Variants in IL6 observed in about 807,000 individuals in gnomAD.
The protein encoded by IL6 is interleukin 6.
Under a neutral mutation model 18.0 loss-of-function variants are expected in IL6, and 5 were observed. The ratio of observed to expected loss-of-function variants is 0.28; its 90% confidence interval spans 0.15 to 0.58. IL6 has a LOEUF of 0.58. Ranked by LOEUF, IL6 falls within the 20% of genes least tolerant of loss-of-function variation. The pLI is 0.90. For synonymous variants in IL6, 97 were observed against 95.1 expected, an observed-to-expected ratio of 1.02 and a Z score of -0.12; for missense variants, 266 against 251.0, an observed-to-expected ratio of 1.06 and a Z score of -0.40.
At chr7:22,728,985 G>A (rs1784070624) in intron 3 of IL6, among the ~76,000 whole-genome samples, 179 bp downstream of exon 3, 1 of 152,194 alleles carries the variant, frequency 6.6e-6, no homozygotes, top group African/African-American at 2.4e-5. Flanking sequence ...TTTATTCTTG[G>A]ACAGGTATGG....
chr7:22,730,846 C>A (rs1403634070), intron 4 of IL6, among the ~76,000 whole-genome samples: 1 of 152,096 alleles, frequency 6.6e-6, no homozygotes, highest in Admixed American at 6.5e-5. Flanking sequence ...GACCCCATCT[C>A]TACAAAAAAC....
At chr7:22,730,659 A>G (rs1784109036) in intron 4 of IL6, among the ~76,000 whole-genome samples, 1 of 152,196 alleles carries the variant, frequency 6.6e-6, no homozygotes, top group African/African-American at 2.4e-5. Context: ...TTCATATACT[A>G]AATATGAACT....
intron 4 of IL6, among the ~76,000 whole-genome samples, 157 bp from the exon 5 acceptor site, chr7:22,731,249 T>C (rs1200753936): frequency 6.6e-6 from 1 of 151,788 alleles, no homozygotes; most frequent in Non-Finnish European, 1.5e-5. Flanking sequence ...AAGAAGTTTG[T>C]TGCTATGGAA....
Position 22,727,214 on chromosome 7 carries a change from C to A in IL6, c.-49C>A. The A allele has an allele frequency of 6.2e-7, 1 of 1,610,282 alleles. No homozygotes were observed. Among genetic ancestry groups the A allele is most frequent in the Non-Finnish European group, 8.5e-7 (1 of 1,178,310 alleles). On this transcript the variant is annotated 5_prime_UTR_variant, in exon 1 of 5. Coordinates refer to ENST00000258743, the MANE Select transcript of IL6 (RefSeq NM_000600.5). ...GTCTGAGGCTCATTCTGCCCTCGAG[C>A]CCACCGGGAACGAAAGAGAAGCTCT...
chr7:22,729,454 C>T, intron 3 of IL6, 60 bp from the exon 4 acceptor site: 3 of 1,529,154 alleles, frequency 2.0e-6, no homozygotes, highest in Non-Finnish European at 2.7e-6. Flanking sequence ...GCAATTTTAA[C>T]TTTTCAAATT....
In IL6 at chr7:22,729,618, G is replaced by A; in HGVS notation, c.429G>A (p.Val143=). The A allele has an allele frequency of 1.2e-6, 2 of 1,614,176 alleles. No individual in the cohort carries two copies. The highest frequency in any genetic ancestry group is 1.7e-6 in the Non-Finnish European group (2 of 1,180,034). ...FESSEEQARA[V]QMSTKVLIQF... ...GTAGTGAGGAACAAGCCAGAGCTGT[G>A]CAGATGAGTACAAAAGTCCTGATCC... The change falls in exon 4 of 5, where the codon GTG becomes GTA. Residue 143 remains valine, a synonymous_variant. Transcript: ENST00000258743.
At chr7:22,727,846 G>C (rs1287341029) in intron 2 of IL6, among the ~76,000 whole-genome samples, 1 of 152,166 alleles carries the variant, frequency 6.6e-6, no homozygotes, top group African/African-American at 2.4e-5. Context: ...TGCAGAATGG[G>C]TCTGAAATCC....
chr7:22,728,666 G>T (rs1377584821), intron 2 of IL6, 27 bp from the exon 3 acceptor site: 1 of 1,295,996 alleles, frequency 7.7e-7, no homozygotes, highest in East Asian at 2.3e-5. Flanking sequence ...ACACTTAGGT[G>T]ATAACAATTC....
chr7:22,728,883 T>C, intron 3 of IL6, 77 bp downstream of exon 3: 1 of 811,960 alleles, frequency 1.2e-6, no homozygotes. Flanking sequence ...CCTGTATACA[T>C]ATAGATCCAG....
chr7:22,731,762 T>C lies in IL6; in HGVS notation c.*189T>C. 1 of 311,624 alleles carries C rather than the reference T, an allele frequency of 3.2e-6. No individual in the cohort carries two copies. The allele number at this position is 311,624 out of a possible 1,614,324, so 19.3% of individuals were successfully genotyped here. A position where few individuals can be genotyped will look rare whatever the true frequency, so the allele number is the denominator to read the frequency against. ...GCTGAGTTAATTTATGTAAGTCATA[T>C]TTATATTTTTAAGAAGTACCACTTG... On this transcript the variant is annotated 3_prime_UTR_variant, in exon 5 of 5. Transcript: ENST00000258743.
rs956606406 is a variant in IL6, at chr7:22,730,132, A to G, written c.471+472A>G. On this transcript the variant is annotated intron_variant, in intron 4 of 4. Coordinates refer to ENST00000258743, the MANE Select transcript of IL6 (RefSeq NM_000600.5). The stretch of plus-strand genomic sequence containing the variant: ...AGTTCAGAGAAATGGTCAGAGACTC[A>G]AGGGTGGAAAGAGGTACCAAAGGCT... The G allele has an allele frequency of 7.3e-5, 72 of 985,380 alleles. No individual in the cohort carries two copies. In the African/African-American group the frequency reaches 1.2e-3, roughly 16 times the overall value. 61.0% of individuals were successfully genotyped at this position (985,380 alleles called of 1,614,324 possible). A position where few individuals can be genotyped will look rare whatever the true frequency, so the allele number is the denominator to read the frequency against.
intron 4 of IL6, 90 bp downstream of exon 4, chr7:22,729,750 C>G: frequency 6.2e-7 from 1 of 1,604,750 alleles, no homozygotes; most frequent in Non-Finnish European, 8.5e-7. Context: ...AATGCCACTT[C>G]CAAAAGAGAA....
chr7:22,727,510 C>G lies in IL6; in HGVS notation c.86C>G (p.Pro29Arg). Residue 29 changes from proline (P) to arginine (R), a missense_variant, in exon 2 of 5, where the codon CCA (proline) becomes CGA (arginine). Transcript: ENST00000258743. ...GTGTTGCCTGCTGCCTTCCCTGCCC[C>G]AGTACCCCCAGGAGAAGATTCCAAA... is the stretch of plus-strand genomic sequence containing the variant. ...LLVLPAAFPA[P>R]VPPGEDSKDV... 1.9e-6 allele frequency: 3 copies of G among 1,614,072 alleles called. No homozygotes were observed. Among genetic ancestry groups the G allele is most frequent in the Non-Finnish European group, 2.5e-6 (3 of 1,179,982 alleles).
chr7:22,729,797 C>T (rs1362885340), intron 4 of IL6, 137 bp downstream of exon 4: 1 of 1,545,912 alleles, frequency 6.5e-7, no homozygotes, highest in South Asian at 1.2e-5. Context: ...GAAATAGTTT[C>T]TGATTGTTAT....
At chr7:22,731,352 G>A in intron 4 of IL6, 54 bp from the exon 5 acceptor site, 2 of 1,396,270 alleles carry the variant, frequency 1.4e-6, no homozygotes, top group Admixed American at 4.2e-5. Context: ...TCCCTCCACT[G>A]CAAAGGATTT....
intron 2 of IL6, chr7:22,728,451 GT>G: frequency 6.2e-6 from 3 of 483,214 alleles, no homozygotes; most frequent in Non-Finnish European, 7.4e-6. Context: ...TGCAAGGAAG[GT>G]TTTTGGAGAT....
At chr7:22,730,892 C>G (rs759268329) in intron 4 of IL6, among the ~76,000 whole-genome samples, 1 of 151,846 alleles carries the variant, frequency 6.6e-6, no homozygotes, top group African/African-American at 2.4e-5. Context: ...GTGGTGCTTC[C>G]CTCAGGATGC....
intron 4 of IL6, among the ~76,000 whole-genome samples, chr7:22,731,161 C>A (rs193120697): frequency 2.0e-5 from 3 of 152,034 alleles, no homozygotes; most frequent in Non-Finnish European, 4.4e-5. Flanking sequence ...TCACTTGAAC[C>A]CAGGAGGCAG....
rs753636318 is a variant in IL6 at position 22,729,475 on chromosome 7, C to G, written c.325-39C>G. The G allele has an allele frequency of 2.5e-6, 4 of 1,591,522 alleles. No individual in the cohort carries two copies. The African/African-American group carries it at 5.4e-5, about 21-fold the overall frequency. On this transcript the variant is annotated intron_variant, in intron 3 of 4. Coordinates refer to ENST00000258743, the MANE Select transcript of IL6 (RefSeq NM_000600.5). Reference sequence around the variant, plus strand: ...TTAACTTTTCAAATTGATTCTATCTCCTGGCGATAACCAATTTTCCCACCA... The same window carrying G: ...TTAACTTTTCAAATTGATTCTATCTGCTGGCGATAACCAATTTTCCCACCA...
Sources: gnomAD v4.1 joint callset for allele counts (sites outside exome capture counted in the v4.1 genomes callset) on GRCh38, gnomAD v4.1.1 for gene constraint, MANE v1.5 for transcripts, NCBI Gene and HGNC (gene_info 2026-07-23, HGNC 2026-07-21) for gene names.